BEST3: variants seen among roughly 807,000 people sequenced by gnomAD.
BEST3 encodes the protein bestrophin 3.
In BEST3, 50 loss-of-function variants were observed where a neutral mutation model predicts 47.1. The observed-to-expected ratio is 1.06, with a 90% confidence interval of 0.85 to 1.34. The LOEUF (loss-of-function observed/expected upper bound fraction) is 1.34. Among genes scored for constraint, BEST3 ranks in the 40% most tolerant of loss-of-function variants. The probability of loss-of-function intolerance (pLI) is 0.00; values close to 1 mark genes in which losing one functional copy is unlikely to be tolerated. For missense variants in BEST3, 765 were observed against 817.0 expected, an observed-to-expected ratio of 0.94 and a Z score of 0.78; for synonymous variants, 282 against 298.8, an observed-to-expected ratio of 0.94 and a Z score of 0.58.
intron 4 of BEST3, among the ~76,000 whole-genome samples, chr12:69,685,963 A>C (rs192968897): frequency 6.6e-6 from 1 of 152,328 alleles, no homozygotes; most frequent in East Asian, 1.9e-4. Flanking sequence ...GAGCAACTAC[A>C]CATAGGTGAG....
At chr12:69,684,597 T>A (rs1349337847) in intron 4 of BEST3, 13 of 678,338 alleles carry the variant, frequency 1.9e-5, no homozygotes, top group Admixed American at 6.1e-5. Context: ...ATGGGTTTCA[T>A]GCCAGTTCTT....
At chr12:69,644,079 G>A (rs535614676) in intron 9 of BEST3, among the ~76,000 whole-genome samples, 2 of 152,310 alleles carry the variant, frequency 1.3e-5, no homozygotes, top group East Asian at 3.9e-4. Flanking sequence ...GTTGTTGCCA[G>A]TGAAGCAAGG....
At position 69,689,420 on chromosome 12, in the gene BEST3, C is replaced by T. The variant is rs1039737438; in HGVS notation, c.481+4254G>A. The T allele has an allele frequency of 8.0e-4, 141 of 176,950 alleles. 3 individuals carry two copies. Among genetic ancestry groups the T allele is most frequent in the Non-Finnish European group, 6.6e-5 (6 of 90,644 alleles). 11.0% of individuals were successfully genotyped at this position (176,950 alleles called of 1,614,324 possible). A position where few individuals can be genotyped will look rare whatever the true frequency, so the allele number is the denominator to read the frequency against. On this transcript the variant is annotated intron_variant, in intron 4 of 9. Transcript: ENST00000330891. ...TTGGAACCTTTGCCCTGCCGCCTAA[C>T]ACACAATGCTTGCGTATAGTATGGT...
In BEST3 at chr12:69,677,072, G is replaced by A. The variant is rs1364365002; in HGVS notation, c.715-4C>T. On this transcript the variant is annotated splice_polypyrimidine_tract_variant and splice_region_variant and intron_variant, in intron 6 of 9. Coordinates refer to ENST00000330891, the MANE Select transcript of BEST3 (RefSeq NM_032735.3). ...TATAGACAGCAAGAGTGACAACCTG[G>A]AACAGAGAGAGACCAGAGTGAGGGG... is the stretch of plus-strand genomic sequence containing the variant. The A allele has an allele frequency of 6.2e-7, 1 of 1,614,134 alleles. No homozygotes were observed. Among genetic ancestry groups the A allele is most frequent in the Non-Finnish European group, 8.5e-7 (1 of 1,179,986 alleles).
At chr12:69,684,582 G>T in intron 4 of BEST3, 1 of 681,898 alleles carries the variant, frequency 1.5e-6, no homozygotes. Context: ...AAACTTGAAG[G>T]CAGAATGGGT....
intron 3 of BEST3, 134 bp from the exon 4 acceptor site, chr12:69,694,041 TG>T: frequency 1.4e-6 from 1 of 712,696 alleles, no homozygotes; most frequent in Non-Finnish European, 2.3e-6. Flanking sequence ...CTTCTGATTT[TG>T]CCTTCCAGAA....
Position 69,677,617 on chromosome 12 carries a change from C to CA in BEST3, c.637-361dup, listed in dbSNP as rs944727378. Among the ~76,000 whole-genome samples, 4 of 152,220 alleles carry CA rather than the reference C, an allele frequency of 2.6e-5. No homozygotes were observed. In the East Asian group the frequency reaches 5.8e-4, roughly 22 times the overall value. On this transcript the variant is annotated intron_variant, in intron 5 of 9. Transcript: ENST00000330891. ...GCAACATAGAAAGACATTGTTTCTA[C>CA]AAAAAATACATAAATTAGCTGGGCT...
At chr12:69,695,035 C>T (rs1244543618) in intron 2 of BEST3, among the ~76,000 whole-genome samples, 1 of 152,080 alleles carries the variant, frequency 6.6e-6, no homozygotes, top group African/African-American at 2.4e-5. Flanking sequence ...TGAAAACTTT[C>T]ATTATTAAAT....
intron 5 of BEST3, 83 bp downstream of exon 5, chr12:69,678,656 C>T (rs1885063259): frequency 1.5e-6 from 2 of 1,360,272 alleles, no homozygotes; most frequent in Non-Finnish European, 2.1e-6. Context: ...ACAAAGCTGA[C>T]TCTTCCTGGT....
At chr12:69,656,759 G>C (rs1487742114) in intron 9 of BEST3, among the ~76,000 whole-genome samples, 1 of 152,118 alleles carries the variant, frequency 6.6e-6, no homozygotes, top group Non-Finnish European at 1.5e-5. Flanking sequence ...CGGAAGTCTG[G>C]CTCCAAGCCC....
intron 9 of BEST3, among the ~76,000 whole-genome samples, chr12:69,645,313 C>A (rs1318209839): frequency 6.6e-6 from 1 of 152,136 alleles, no homozygotes; most frequent in East Asian, 1.9e-4. Context: ...TAAGTTTTTT[C>A]CCCAAACCCT....
downstream of BEST3, among the ~76,000 whole-genome samples, chr12:69,652,131 C>T (rs1039257529): frequency 2.0e-5 from 3 of 152,164 alleles, no homozygotes; most frequent in African/African-American, 7.2e-5. Context: ...TACTGAACTA[C>T]AAACCCCAGC....
intron 4 of BEST3, chr12:69,683,587 A>G (rs1173760255): frequency 2.0e-5 from 3 of 152,188 alleles, no homozygotes; most frequent in African/African-American, 4.8e-5. Flanking sequence ...TCTCTTACCT[A>G]CCTATGACCC....
intron 2 of BEST3, among the ~76,000 whole-genome samples, chr12:69,697,397 C>G (rs527598358): frequency 5.9e-5 from 9 of 152,290 alleles, no homozygotes; most frequent in South Asian, 2.1e-4. Flanking sequence ...CCTATTGCAA[C>G]AGTCTCGAGG....
chr12:69,684,368 T>C (rs1885432545), intron 4 of BEST3: 2 of 431,374 alleles, frequency 4.6e-6, no homozygotes, highest in South Asian at 1.5e-4. Flanking sequence ...GATCTGCTAC[T>C]TTAAGACAAA....
chr12:69,658,830 G>A (rs1883683292), intron 9 of BEST3, among the ~76,000 whole-genome samples: 1 of 152,210 alleles, frequency 6.6e-6, no homozygotes, highest in Admixed American at 6.5e-5. Context: ...AAAAGTGTCA[G>A]GCCTAGGCTG....
downstream of BEST3, among the ~76,000 whole-genome samples, chr12:69,650,584 G>A (rs2066902765): frequency 1.3e-5 from 2 of 152,214 alleles, no homozygotes; most frequent in Admixed American, 6.5e-5. Context: ...TTTTACAGTT[G>A]TAGTTGTTCT....
In BEST3 at chr12:69,654,723, T is replaced by C. The variant is rs1392171751; in HGVS notation, c.*184A>G. 7.4e-7 allele frequency: 1 copy of C among 1,346,368 alleles called. No homozygotes were observed. Among genetic ancestry groups the C allele is most frequent in the Non-Finnish European group, 9.5e-7 (1 of 1,050,516 alleles). 83.4% of individuals were successfully genotyped at this position (1,346,368 alleles called of 1,614,324 possible). On this transcript the variant is annotated 3_prime_UTR_variant, in exon 10 of 10. Transcript: ENST00000330891. Reference sequence around the variant, plus strand: ...TGTTGTGTTGGATGACGTGAATGCGTTTGATTTTTCGCAGCTCTCAAAAAG... The same window carrying C: ...TGTTGTGTTGGATGACGTGAATGCGCTTGATTTTTCGCAGCTCTCAAAAAG...
intron 4 of BEST3, among the ~76,000 whole-genome samples, chr12:69,685,461 C>G (rs1012391754): frequency 2.6e-5 from 4 of 152,182 alleles, no homozygotes; most frequent in Non-Finnish European, 5.9e-5. Flanking sequence ...CTCTGCTATA[C>G]ATTACAATGG....
Sources: allele counts gnomAD v4.1 joint callset (sites outside exome capture counted in the v4.1 genomes callset), GRCh38; gene constraint gnomAD v4.1.1; transcripts MANE v1.5; gene names NCBI Gene and HGNC (gene_info 2026-07-23, HGNC 2026-07-21).